Variants in ZNF480 observed in about 807,000 individuals in gnomAD.
ZNF480 encodes zinc finger protein 480.
ZNF480 carries 15 observed loss-of-function variants against 14.4 expected under a neutral mutation model. The observed-to-expected ratio is 1.04, with a 90% CI of 0.70 to 1.60. The LOEUF is 1.60. Among genes scored for constraint, ZNF480 ranks in the 40% most tolerant of loss-of-function variants. The pLI is 0.00. For missense variants in ZNF480, 593 were observed against 629.7 expected (o/e 0.94, Z 0.62); for synonymous variants, 218 against 215.5 (o/e 1.01, Z -0.10).
At chr19:52,321,525 C>G in intron 4 of ZNF480, 54 bp from the exon 5 acceptor site, 1 of 1,466,750 alleles carries the variant, frequency 6.8e-7, no homozygotes, top group Non-Finnish European at 9.1e-7. Flanking sequence ...TCATCAGACT[C>G]TAAACATGCC....
At chr19:52,307,228 G>C (rs1568630880) in intron 2 of ZNF480, among the ~76,000 whole-genome samples, 1 of 152,136 alleles carries the variant, frequency 6.6e-6, no homozygotes, top group Admixed American at 6.6e-5. Flanking sequence ...GATACCAGGG[G>C]CAATATTTCT....
chr19:52,322,842 C>G lies in ZNF480; in HGVS notation c.1592C>G (p.Thr531Arg). Residue 531 changes from threonine (T) to arginine (R), a missense_variant, in exon 5 of 5, where the codon ACA (threonine) becomes AGA (arginine). Thr to Arg is a moderately conservative substitution (Grantham distance 71). Coordinates refer to ENST00000595962, the MANE Select transcript of ZNF480 (RefSeq NM_144684.4). ...SRISYLAQHW[T>R]IHMG ...ATTTCATACCTAGCACAACATTGGA[C>G]AATTCATATGGGATAGAAACTACAA... The G allele has an allele frequency of 1.3e-6, 2 of 1,588,304 alleles. No homozygotes were observed. The highest frequency in any genetic ancestry group is 2.3e-5 in the South Asian group (2 of 87,266).
chr19:52,315,422 T>G (rs1193169658), intron 3 of ZNF480, among the ~76,000 whole-genome samples: 1 of 151,968 alleles, frequency 6.6e-6, no homozygotes, highest in African/African-American at 2.4e-5. Context: ...GTCAAATGAT[T>G]CTCCTGCCTT....
At chr19:52,316,213 T>TTTCTTTCTTCCTTTCTTCCTTTCC (rs1388931028) in intron 4 of ZNF480, among the ~76,000 whole-genome samples, 4 of 151,498 alleles carry the variant, frequency 2.6e-5, no homozygotes, top group African/African-American at 9.7e-5. Context: ...TCTTTCTTTC[T>TTTCTTTCTTCCTTTCTTCCTTTCC]TTCTTTCTTC....
In ZNF480 at chr19:52,321,892, A is replaced by G. The variant is rs779644475; in HGVS notation, c.642A>G (p.Val214=). ...ECNEHSKVFR[V]SSSLTKHQVI... is the part of the protein sequence containing the mutation. ...ATGAGCATAGCAAAGTCTTTAGAGT[A>G]TCTTCCAGCCTTACTAAACATCAAG... Residue 214 remains valine, a synonymous_variant, in exon 5 of 5, where the codon GTA becomes GTG. Transcript: ENST00000595962. 32 of 1,614,162 alleles carry G rather than the reference A, an allele frequency of 2.0e-5. No individual in the cohort carries two copies. Among genetic ancestry groups the G allele is most frequent in the East Asian group, 1.3e-4 (6 of 44,868 alleles).
At position 52,300,423 on chromosome 19, in the gene ZNF480, A is replaced by G. The variant is rs1183814886; in HGVS notation, c.11A>G (p.Asp4Gly). 1.9e-6 allele frequency: 3 copies of G among 1,609,732 alleles called. No individual in the cohort carries two copies. Among genetic ancestry groups the G allele is most frequent in the Middle Eastern group, 1.6e-4 (1 of 6,064 alleles). The stretch of plus-strand genomic sequence containing the variant: ...GACTTCTAAAGAGTCATGCTGTGTG[A>G]TGAAAAAGCCCAGAAGAGAAGGAAG... Reference protein sequence around the residue: MLCDEKAQKRRKRK... With the variant: MLCGEKAQKRRKRK... The change falls in exon 2 of 5, where the codon GAT becomes GGT. Residue 4 changes from aspartate to glycine, a missense_variant. Physicochemically the swap from Asp to Gly is moderately conservative, Grantham distance 94. Coordinates refer to ENST00000595962, the MANE Select transcript of ZNF480 (RefSeq NM_144684.4).
intron 4 of ZNF480, among the ~76,000 whole-genome samples, chr19:52,320,388 C>A (rs973619222): frequency 1.3e-5 from 2 of 152,170 alleles, no homozygotes; most frequent in Admixed American, 6.5e-5. Context: ...TGCAGTGCCT[C>A]ATGCCTGTAA....
chr19:52,310,721 C>T (rs1175209454), intron 2 of ZNF480, among the ~76,000 whole-genome samples: 1 of 151,828 alleles, frequency 6.6e-6, no homozygotes, highest in Non-Finnish European at 1.5e-5. Flanking sequence ...ATACTGCTAG[C>T]CGGTCATGGT....
intron 2 of ZNF480, among the ~76,000 whole-genome samples, chr19:52,311,641 A>T (rs1042464124): frequency 6.6e-6 from 1 of 152,196 alleles, no homozygotes; most frequent in Non-Finnish European, 1.5e-5. Context: ...AAATGTACAT[A>T]GCAAAAATAA....
At chr19:52,321,553 ATTTT>A in intron 4 of ZNF480, 22 bp from the exon 5 acceptor site, 1 of 1,538,954 alleles carries the variant, frequency 6.5e-7, no homozygotes, top group Middle Eastern at 1.8e-4. Context: ...TGGGGTCTGA[ATTTT>A]ACTTTTTTCT....
chr19:52,321,427 T>G, intron 4 of ZNF480, 152 bp from the exon 5 acceptor site: 1 of 659,048 alleles, frequency 1.5e-6, no homozygotes, highest in Non-Finnish European at 2.5e-6. Flanking sequence ...CCTTACCCTT[T>G]TCTATTTTCA....
At chr19:52,317,505 G>C (rs954348258) in intron 4 of ZNF480, 1 of 152,084 alleles carries the variant, frequency 6.6e-6, no homozygotes, top group African/African-American at 2.4e-5. Context: ...TGAGCAGCTG[G>C]GATTACAGGT....
rs761049187 is a variant in ZNF480 at position 52,297,218 on chromosome 19, C to T, written c.-25C>T. 3.2e-5 allele frequency: 14 copies of T among 441,346 alleles called. No homozygotes were observed. The highest frequency in any genetic ancestry group is 2.1e-4 in the African/African-American group (10 of 48,116). 27.3% of individuals were successfully genotyped at this position (441,346 alleles called of 1,614,324 possible). A position where few individuals can be genotyped will look rare whatever the true frequency, so the allele number is the denominator to read the frequency against. On this transcript the variant is annotated 5_prime_UTR_variant, in exon 1 of 5. Transcript: ENST00000595962. ...ATCGCGTGGAGTGAAGGTCACGCCG[C>T]GGCGCGTGAGTTTCCCTTTGTGTAA... is the stretch of plus-strand genomic sequence containing the variant.
intron 1 of ZNF480, among the ~76,000 whole-genome samples, chr19:52,298,383 A>G (rs1340586306): frequency 6.6e-6 from 1 of 152,224 alleles, no homozygotes; most frequent in East Asian, 1.9e-4. Context: ...CTGTAATCCC[A>G]GCACTTTGGG....
In ZNF480 at chr19:52,322,699, C is replaced by G; in HGVS notation, c.1449C>G (p.Tyr483Ter). 1 of 1,613,748 alleles carries G rather than the reference C, an allele frequency of 6.2e-7. No individual in the cohort carries two copies. The highest frequency in any genetic ancestry group is 1.3e-5 in the African/African-American group (1 of 75,016). The stretch of plus-strand genomic sequence containing the variant: ...GAATCCATACTGGAGAAAGACCTTA[C>G]AAATGTAATGAATGTGGCAAGGTCT... ...HQRIHTGERP[Y>*]KCNECGKVFN... Residue 483 changes from tyrosine to a stop codon, truncating the protein, a stop_gained, in exon 5 of 5, where the codon TAC becomes TAG. Coordinates refer to ENST00000595962, the MANE Select transcript of ZNF480 (RefSeq NM_144684.4). LOFTEE classifies it low-confidence loss of function (END_TRUNC).
At position 52,315,862 on chromosome 19, in the gene ZNF480, C is replaced by T. The variant is rs750173160; in HGVS notation, c.228C>T (p.Asn76=). ...TCTCTCTTCCTGACCTGAATATTAA[C>T]TCCATGTTGGAGCAAAGGAGGGAGC... is the stretch of plus-strand genomic sequence containing the variant. ...LGISLPDLNI[N]SMLEQRREPW... Residue 76 remains asparagine (N), a synonymous_variant, in exon 4 of 5, where the codon AAC becomes AAT. Coordinates refer to ENST00000595962, the MANE Select transcript of ZNF480 (RefSeq NM_144684.4). 1 of 1,612,470 alleles carries T rather than the reference C, an allele frequency of 6.2e-7. No homozygotes were observed. The highest frequency in any genetic ancestry group is 2.2e-5 in the East Asian group (1 of 44,858).
At chr19:52,305,014 G>A (rs1446058522) in intron 2 of ZNF480, among the ~76,000 whole-genome samples, 1 of 152,058 alleles carries the variant, frequency 6.6e-6, no homozygotes, top group African/African-American at 2.4e-5. Flanking sequence ...CAGGAGAATG[G>A]CGTGAACCTG....
intron 4 of ZNF480, among the ~76,000 whole-genome samples, chr19:52,317,894 A>T (rs960518050): frequency 6.6e-6 from 1 of 152,026 alleles, no homozygotes; most frequent in African/African-American, 2.4e-5. Flanking sequence ...AACGTATTCT[A>T]TATGGGTGTG....
chr19:52,310,587 T>A (rs1983224089), intron 2 of ZNF480, among the ~76,000 whole-genome samples: 1 of 152,074 alleles, frequency 6.6e-6, no homozygotes, highest in African/African-American at 2.4e-5. Flanking sequence ...CAAGGAAATG[T>A]CTGCCATGTT....
Sources: allele counts gnomAD v4.1 joint callset (sites outside exome capture counted in the v4.1 genomes callset), GRCh38; gene constraint gnomAD v4.1.1; transcripts MANE v1.5; gene names NCBI Gene and HGNC (gene_info 2026-07-23, HGNC 2026-07-21).